Variants in F12 observed in about 807,000 individuals in gnomAD.
F12 encodes the protein coagulation factor XII, also known as Hageman factor.
F12 carries 70 observed loss-of-function variants against 74.8 expected under a neutral mutation model. The ratio of observed to expected loss-of-function variants is 0.94; its 90% CI spans 0.77 to 1.14. F12 has a LOEUF of 1.14. F12 is among the 50% of genes most tolerant of loss of function. F12 has a pLI of 0.00. For synonymous variants in F12, 373 were observed against 356.4 expected (o/e 1.05, Z -0.52); for missense variants, 811 against 835.7 (o/e 0.97, Z 0.36).
chr5:177,408,022 T>G (rs958677805), intron 2 of F12, among the ~76,000 whole-genome samples: 2 of 151,858 alleles, frequency 1.3e-5, no homozygotes, highest in African/African-American at 2.4e-5. Context: ...GTCCATCTGG[T>G]TCACAGGCCC....
In F12 at chr5:177,409,473, A is replaced by G. The variant is rs779289444; in HGVS notation, c.55T>C (p.Ser19Pro). 8.7e-6 allele frequency: 14 copies of G among 1,613,904 alleles called. No individual in the cohort carries two copies. The highest frequency in any genetic ancestry group is 2.2e-5 in the East Asian group (1 of 44,876). ...ATCCTGGTTCCCACAGCACTCACCG[A>G]AAGTGTTGACTCCAAGCTCACCAGC... is the stretch of plus-strand genomic sequence containing the variant. ...FLLVSLESTL[S>P]IPPWEAPKEH... The change falls in exon 1 of 14, where the codon TCG becomes CCG. Residue 19 changes from serine to proline, a missense_variant and splice_region_variant. By Grantham distance (74) the Ser-to-Pro change is moderately conservative (BLOSUM62 -1). Transcript: ENST00000253496.
chr5:177,408,787 A>T (rs2127362376), intron 2 of F12, among the ~76,000 whole-genome samples: 1 of 152,374 alleles, frequency 6.6e-6, no homozygotes, highest in South Asian at 2.1e-4. Context: ...GGGGAAACTG[A>T]GGAAGGCTGG....
At chr5:177,404,758 A>C (rs1763242663) in intron 7 of F12, 52 bp downstream of exon 7, 1 of 1,589,492 alleles carries the variant, frequency 6.3e-7, no homozygotes, top group African/African-American at 1.3e-5. Flanking sequence ...CTTCCTGGCA[A>C]GCCCGTCCCA....
At chr5:177,409,386 G>T in intron 1 of F12, 85 bp downstream of exon 1, 3 of 1,494,946 alleles carry the variant, frequency 2.0e-6, no homozygotes, top group Non-Finnish European at 2.8e-6. Flanking sequence ...GGACCCACAG[G>T]TCATGAGCAG....
Position 177,402,386 on chromosome 5 carries a change from C to CTGAT in F12, c.1750_1753dup (p.Ser585AsnfsTer9). The CTGAT allele has an allele frequency of 6.2e-7, 1 of 1,613,602 alleles. No individual in the cohort carries two copies. Among genetic ancestry groups the CTGAT allele is most frequent in the Non-Finnish European group, 8.5e-7 (1 of 1,179,922 alleles). ...GCGGTCACCACAGCCCGATCCCCAG[C>CTGAT]TGATGATGCCTTGCAGGGTGAGCCG... On this transcript the variant is annotated frameshift_variant, in exon 14 of 14. Transcript: ENST00000253496. LOFTEE classifies it high-confidence loss of function.
Position 177,405,768 on chromosome 5 carries a change from A to T in F12, c.253T>A (p.Trp85Arg), listed in dbSNP as rs1763275374. The change falls in exon 4 of 14, where the codon TGG (tryptophan) becomes AGG (arginine). Residue 85 changes from tryptophan (W) to arginine (R), a missense_variant. By Grantham distance (101) the Trp-to-Arg change is moderately radical. Coordinates refer to ENST00000253496, the MANE Select transcript of F12 (RefSeq NM_000505.4). ...TTPNFDQDQR[W>R]GYCLEPKKVK... ...TTCTTGGGCTCCAAACAGTATCCCC[A>T]TCGCTGGTCCTGATCAAAGTTGGGG... 6.2e-7 allele frequency: 1 copy of T among 1,614,194 alleles called. No homozygotes were observed. Among genetic ancestry groups the T allele is most frequent in the Non-Finnish European group, 8.5e-7 (1 of 1,180,022 alleles).
intron 9 of F12, 39 bp downstream of exon 9, chr5:177,404,157 C>A (rs1484191768): frequency 3.2e-6 from 5 of 1,576,496 alleles, no homozygotes; most frequent in Non-Finnish European, 4.3e-6. Flanking sequence ...GCTCGCCCGG[C>A]GCCCTCTCGG....
rs35966430 is a variant in F12 at position 177,404,176 on chromosome 5, T to TCC, written c.1018+18_1018+19dup. The TCC allele has an allele frequency of 3.2e-6, 5 of 1,571,406 alleles. No individual in the cohort carries two copies. Among genetic ancestry groups the TCC allele is most frequent in the African/African-American group, 1.4e-5 (1 of 73,560 alleles). ...GCCCGGCGCCCTCTCGGCTCCTCCTTCCCCCCCCCACTTCCTAACCTCCCG... is the reference window on the plus strand; with the variant it reads ...GCCCGGCGCCCTCTCGGCTCCTCCTTCCCCCCCCCCCACTTCCTAACCTCCCG... On this transcript the variant is annotated intron_variant, in intron 9 of 13. Coordinates refer to ENST00000253496, the MANE Select transcript of F12 (RefSeq NM_000505.4).
In F12 at chr5:177,404,351, T is replaced by A. The variant is rs2127360059; in HGVS notation, c.863A>T (p.Glu288Val). The A allele has an allele frequency of 6.2e-7, 1 of 1,611,606 alleles. No homozygotes were observed. The part of the protein sequence containing the change: ...FVLNRDRLSW[E>V]YCDLAQCQTP... ...CTGGCACTGTGCCAGGTCGCAGTAC[T>A]CCCAGCTCAGCCGGTCGCGGTTCAG... Residue 288 changes from glutamate to valine, a missense_variant, in exon 9 of 14, where the codon GAG becomes GTG. Transcript: ENST00000253496.
chr5:177,403,058 G>A (rs1211299735), intron 12 of F12, 196 bp downstream of exon 12: 1 of 767,600 alleles, frequency 1.3e-6, no homozygotes, highest in Non-Finnish European at 2.1e-6. Flanking sequence ...ATCCCCAGGA[G>A]ATTTGGGGAT....
chr5:177,409,269 C>A (rs1038246485), intron 1 of F12, among the ~76,000 whole-genome samples, 166 bp from the exon 2 acceptor site: 1 of 152,166 alleles, frequency 6.6e-6, no homozygotes, highest in Non-Finnish European at 1.5e-5. Flanking sequence ...CCATCTCCCC[C>A]AGAAATGCAG....
chr5:177,404,139 G>C (rs1180698639), intron 9 of F12, 49 bp from the exon 10 acceptor site: 1 of 1,585,518 alleles, frequency 6.3e-7, no homozygotes, highest in Non-Finnish European at 8.6e-7. Context: ...CCGGCTGGCC[G>C]GAATCTAGCT....
chr5:177,404,739 T>C, intron 7 of F12, 71 bp downstream of exon 7: 2 of 1,594,892 alleles, frequency 1.3e-6, no homozygotes, highest in Non-Finnish European at 1.7e-6. Flanking sequence ...TTCCGCACTC[T>C]CCCTCCTCCT....
intron 12 of F12, 97 bp from the exon 13 acceptor site, chr5:177,402,795 G>T: frequency 6.6e-7 from 1 of 1,525,656 alleles, no homozygotes; most frequent in Non-Finnish European, 8.9e-7. Flanking sequence ...ACCCACTCAT[G>T]CCCTTCCTCT....
chr5:177,404,571 G>T lies in F12; in HGVS notation c.728C>A (p.Ser243Ter), dbSNP rs1474281054. 1.2e-6 allele frequency: 2 copies of T among 1,607,270 alleles called. No homozygotes were observed. Among genetic ancestry groups the T allele is most frequent in the Non-Finnish European group, 1.7e-6 (2 of 1,178,416 alleles). Residue 243 changes from serine to a stop codon, truncating the protein, a stop_gained, in exon 8 of 14, where the codon TCG (serine) becomes TAG (stop). Coordinates refer to ENST00000253496, the MANE Select transcript of F12 (RefSeq NM_000505.4). LOFTEE classifies it high-confidence loss of function. ...LSGAPCQPWA[S>*]EATYRNVTAE... ...AGTCACGTTCCGGTAGGTGGCCTCC[G>T]AGGCCCACGGCTGACAGGGCGCACC...
chr5:177,409,554 T>C lies in F12; in HGVS notation c.-27A>G, dbSNP rs1265903703. The C allele has an allele frequency of 1.2e-6, 2 of 1,612,230 alleles. No individual in the cohort carries two copies. Among genetic ancestry groups the C allele is most frequent in the Non-Finnish European group, 1.7e-6 (2 of 1,178,614 alleles). On this transcript the variant is annotated 5_prime_UTR_variant, in exon 1 of 14. In the 5' UTR this introduces an upstream ATG that the reference lacks. Coordinates refer to ENST00000253496, the MANE Select transcript of F12 (RefSeq NM_000505.4). ...GCATCCGTCCGTTGGTCCAGCTGCC[T>C]ATCCAGGAGTCCAGATCAATAGGAC...
rs1763283520 is a variant in F12 at position 177,406,059 on chromosome 5, GA to G, written c.117del (p.Leu40SerfsTer55). 6.2e-7 allele frequency: 1 copy of G among 1,613,560 alleles called. No homozygotes were observed. The highest frequency in any genetic ancestry group is 1.3e-5 in the African/African-American group (1 of 74,912). On this transcript the variant is annotated frameshift_variant and splice_region_variant, in exon 3 of 14. Coordinates refer to ENST00000253496, the MANE Select transcript of F12 (RefSeq NM_000505.4). LOFTEE classifies it high-confidence loss of function. Reference sequence around the variant, plus strand: ...TGGCAGGGCTCCCCGGTGACAGTGAGAACTGCAGGGACAACACACTCTCTGA... The same window carrying G: ...TGGCAGGGCTCCCCGGTGACAGTGAGACTGCAGGGACAACACACTCTCTGA... ...HKYKAEEHTV[V>X]LTVTGEPCHF...
intron 2 of F12, among the ~76,000 whole-genome samples, chr5:177,407,027 G>T (rs1763310609): frequency 6.6e-6 from 1 of 152,216 alleles, no homozygotes; most frequent in African/African-American, 2.4e-5. Flanking sequence ...GAGCTGTGTA[G>T]TTCCTAAGCA....
chr5:177,407,130 C>T (rs1763312511), intron 2 of F12, among the ~76,000 whole-genome samples: 1 of 152,294 alleles, frequency 6.6e-6, no homozygotes, highest in South Asian at 2.1e-4. Flanking sequence ...GAATCAGCAA[C>T]ACATATACTA....
Sources: gnomAD v4.1 joint callset for allele counts (sites outside exome capture counted in the v4.1 genomes callset) on GRCh38, gnomAD v4.1.1 for gene constraint, MANE v1.5 for transcripts, NCBI Gene and HGNC (gene_info 2026-07-23, HGNC 2026-07-21) for gene names.